SPMAP2: variants seen among roughly 807,000 people sequenced by gnomAD.
The protein encoded by SPMAP2 is sperm microtubule associated protein 2.
At chr19:365,146 C>T in the SPMAP2 span, among the ~76,000 whole-genome samples, 6 of 152,214 alleles carry the variant, frequency 3.9e-5, no homozygotes, top group East Asian at 3.9e-4. Context: ...TGCACGCACC[C>T]GCGCTCACCA....
chr19:372,483 G>T, the SPMAP2 span: 1 of 734,950 alleles, frequency 1.4e-6, no homozygotes, highest in Non-Finnish European at 2.3e-6. Flanking sequence ...TGGGGATGTG[G>T]GCTGGGAAGC....
chr19:374,933 G>A, the SPMAP2 span, among the ~76,000 whole-genome samples: 6 of 152,316 alleles, frequency 3.9e-5, no homozygotes, highest in East Asian at 1.9e-4. Context: ...TGGCTCCCAC[G>A]TTCTCCCCAG....
At chr19:365,188 T>C in the SPMAP2 span, among the ~76,000 whole-genome samples, 86,015 of 152,130 alleles carry the variant, frequency 0.57, 24,708 homozygotes, top group Middle Eastern at 0.63. Context: ...AACATCCATA[T>C]ACTGGTACAG....
the SPMAP2 span, among the ~76,000 whole-genome samples, chr19:366,304 C>T: frequency 6.6e-6 from 1 of 152,056 alleles, no homozygotes; most frequent in Admixed American, 6.6e-5. Flanking sequence ...ATGTGTGTAC[C>T]AGTGTATCGA....
At chr19:374,216 G>T in the SPMAP2 span, 1 of 1,578,330 alleles carries the variant, frequency 6.3e-7, no homozygotes, top group Non-Finnish European at 8.6e-7. Context: ...GAGCCGAGCA[G>T]TGGGGACAGG....
the SPMAP2 span, chr19:367,082 C>G: frequency 3.1e-6 from 5 of 1,612,492 alleles, no homozygotes; most frequent in Admixed American, 8.4e-5. Context: ...GTGAAGGAGG[C>G]GGTTATGGTC....
chr19:373,522 C>G, the SPMAP2 span: 1 of 1,613,356 alleles, frequency 6.2e-7, no homozygotes, highest in Non-Finnish European at 8.5e-7. Flanking sequence ...CGGTCCAGTA[C>G]ACAGAGGGCC....
chr19:365,917 C>T, the SPMAP2 span, among the ~76,000 whole-genome samples: 27 of 152,182 alleles, frequency 1.8e-4, no homozygotes, highest in South Asian at 2.1e-4. Context: ...CCGAGGTGGG[C>T]GGATCATGAG....
the SPMAP2 span, chr19:373,840 C>T: frequency 3.4e-6 from 4 of 1,165,094 alleles, no homozygotes; most frequent in South Asian, 1.3e-5. Context: ...CCCTGATCCT[C>T]CTCCCTGGAG....
At chr19:368,042 C>T in the SPMAP2 span, among the ~76,000 whole-genome samples, 1 of 152,116 alleles carries the variant, frequency 6.6e-6, no homozygotes, top group Non-Finnish European at 1.5e-5. This position sits in a 1 kb window ranked among gnomAD's most constrained non-coding sequence, Gnocchi z 4.1. Flanking sequence ...ACGTTTCACC[C>T]AGAAACTTGG....
the SPMAP2 span, among the ~76,000 whole-genome samples, chr19:366,870 T>C: frequency 2.1e-4 from 32 of 152,304 alleles, no homozygotes; most frequent in South Asian, 6.2e-3. Flanking sequence ...CCTGATTTTC[T>C]CTTCTACACC....
At chr19:365,977 C>T in the SPMAP2 span, among the ~76,000 whole-genome samples, 3 of 152,270 alleles carry the variant, frequency 2.0e-5, no homozygotes, top group African/African-American at 7.2e-5. Context: ...CCTGTCTCTA[C>T]TAAAAATACA....
chr19:369,556 C>A, the SPMAP2 span, among the ~76,000 whole-genome samples: 620 of 152,068 alleles, frequency 4.1e-3, 2 homozygotes, highest in African/African-American at 0.014. Context: ...AGCCTGAGCT[C>A]CCTCTCCCCA....
At chr19:373,955 T>C in the SPMAP2 span, 1 of 1,613,550 alleles carries the variant, frequency 6.2e-7, no homozygotes. Flanking sequence ...GAGACAGAAG[T>C]GCAAGCTCAT....
the SPMAP2 span, among the ~76,000 whole-genome samples, chr19:365,160 A>G: frequency 6.6e-6 from 1 of 152,202 alleles, no homozygotes; most frequent in Non-Finnish European, 1.5e-5. Flanking sequence ...CTCACCACAC[A>G]CACACGTCGT....
chr19:373,577 G>A, the SPMAP2 span: 16 of 1,587,676 alleles, frequency 1.0e-5, no homozygotes, highest in African/African-American at 9.4e-5. Flanking sequence ...GAGAGCCCTG[G>A]CCCTGCCCGG....
chr19:371,365 T>TGG, the SPMAP2 span: 26 of 856,104 alleles, frequency 3.0e-5, 1 homozygote, highest in African/African-American at 3.3e-4. Flanking sequence ...CGGCCGGGGG[T>TGG]GGGGGTGTGT....
At chr19:370,342 G>GTT in the SPMAP2 span, among the ~76,000 whole-genome samples, 1 of 130,916 alleles carries the variant, frequency 7.6e-6, no homozygotes, top group African/African-American at 2.6e-5. Flanking sequence ...GATATTCACA[G>GTT]TTTTGTTTTT....
At chr19:366,924 T>A in the SPMAP2 span, 2 of 997,334 alleles carry the variant, frequency 2.0e-6, no homozygotes, top group Non-Finnish European at 2.9e-6. Flanking sequence ...ACCCTCTGCT[T>A]CCGGACCACA....
Sources: allele counts gnomAD v4.1 joint callset (sites outside exome capture counted in the v4.1 genomes callset), GRCh38; gene constraint gnomAD v4.1.1; non-coding constraint Gnocchi (gnomAD v3.1); transcripts MANE v1.5; gene names NCBI Gene and HGNC (gene_info 2026-07-23, HGNC 2026-07-21).